HIRA: variants seen among roughly 807,000 people sequenced by gnomAD.
HIRA encodes protein HIRA.
In HIRA, 13 loss-of-function variants were observed where a neutral mutation model predicts 126.6. The ratio of observed to expected loss-of-function variants is 0.10; its 90% confidence interval spans 0.07 to 0.16. HIRA has a LOEUF of 0.16. Among genes scored for constraint, HIRA ranks in the 10% least tolerant of loss-of-function variants. The pLI is 1.00. For synonymous variants in HIRA, 511 were observed against 520.0 expected, an observed-to-expected ratio of 0.98 and a Z score of 0.24; for missense variants, 834 against 1,314.4, an observed-to-expected ratio of 0.63 and a Z score of 5.65.
Position 19,410,683 on chromosome 22 carries a change from T to A in HIRA, c.100+33A>T, listed in dbSNP as rs754666573. ...GAGAAGAGCAAGGTGGCAGGGCTGT[T>A]AAGCTTTCCCTTTCTTTATTCCATA... On this transcript the variant is annotated intron_variant, in intron 2 of 24. Coordinates refer to ENST00000263208, the MANE Select transcript of HIRA (RefSeq NM_003325.4). 1.4e-5 allele frequency: 22 copies of A among 1,562,504 alleles called. 1 individual carries two copies. Among genetic ancestry groups the A allele is most frequent in the Middle Eastern group, 3.4e-4 (2 of 5,962 alleles).
intron 1 of HIRA, among the ~76,000 whole-genome samples, chr22:19,422,430 T>C (rs900554019): frequency 1.3e-5 from 2 of 151,864 alleles, no homozygotes; most frequent in Admixed American, 1.3e-4. Flanking sequence ...CCACAACCAA[T>C]CTAGTCTCCA....
intron 19 of HIRA, 22 bp downstream of exon 19, chr22:19,356,868 C>G (rs782344915): frequency 6.2e-7 from 1 of 1,612,442 alleles, no homozygotes; most frequent in African/African-American, 1.3e-5. Context: ...GAAGCCCACC[C>G]CACCCTGTGC....
chr22:19,355,995 A>G (rs1340880932), intron 20 of HIRA, 130 bp from the exon 21 acceptor site: 3 of 741,336 alleles, frequency 4.0e-6, no homozygotes, highest in Non-Finnish European at 6.9e-6. Context: ...TGCCTTGGCA[A>G]ATAGGGAGGG....
At chr22:19,412,330 C>T (rs921899782) in intron 1 of HIRA, among the ~76,000 whole-genome samples, 1 of 152,196 alleles carries the variant, frequency 6.6e-6, no homozygotes, top group Non-Finnish European at 1.5e-5. Flanking sequence ...CGAGCCATCC[C>T]AGCAGATTCC....
chr22:19,398,998 A>G (rs2089245701), intron 5 of HIRA: 1 of 463,780 alleles, frequency 2.2e-6, no homozygotes, highest in Non-Finnish European at 2.8e-6. Context: ...CAATGAAACA[A>G]AAAACCCCAA....
rs1569309647 is a variant in HIRA at position 19,407,282 on chromosome 22, G to A, written c.212-8C>T. On this transcript the variant is annotated splice_region_variant and splice_polypyrimidine_tract_variant and intron_variant, in intron 3 of 24. Transcript: ENST00000263208. The stretch of plus-strand genomic sequence containing the variant: ...GCACACAGTTCACACATGCTGGGAA[G>A]AAAAAAAAATAAGGTGATGAAAATC... 8 of 1,586,242 alleles carry A rather than the reference G, an allele frequency of 5.0e-6. No individual in the cohort carries two copies. The highest frequency in any genetic ancestry group is 2.3e-5 in the South Asian group (2 of 88,458).
At chr22:19,423,165 C>T (rs1374076452) in intron 1 of HIRA, among the ~76,000 whole-genome samples, 1 of 152,176 alleles carries the variant, frequency 6.6e-6, no homozygotes, top group Non-Finnish European at 1.5e-5. Context: ...TCAAATGTTA[C>T]CTTTTCACTC....
At position 19,361,866 on chromosome 22, in the gene HIRA, C is replaced by G; in HGVS notation, c.1841G>C (p.Ser614Thr). The G allele has an allele frequency of 1.2e-6, 2 of 1,614,226 alleles. No individual in the cohort carries two copies. The highest frequency in any genetic ancestry group is 1.7e-6 in the Non-Finnish European group (2 of 1,180,042). ...PRDLLESSSDSDEKVPLAKAS... is the reference protein window; with the variant it reads ...PRDLLESSSDTDEKVPLAKAS... The stretch of plus-strand genomic sequence containing the variant: ...CTTAGCCAAAGGGACTTTCTCATCG[C>G]TGTCACTGCTGCTCTCCAGGAGGTC... Residue 614 changes from serine (S) to threonine (T), a missense_variant, in exon 16 of 25, where the codon AGC becomes ACC. By Grantham distance (58) the Ser-to-Thr change is moderately conservative. Coordinates refer to ENST00000263208, the MANE Select transcript of HIRA (RefSeq NM_003325.4).
chr22:19,426,415 CT>C (rs1050682897), intron 1 of HIRA, among the ~76,000 whole-genome samples: 2 of 152,198 alleles, frequency 1.3e-5, no homozygotes, highest in African/African-American at 4.8e-5. Context: ...CCCTCTGGGC[CT>C]TTTCTCCTGA....
At chr22:19,373,762 C>A (rs1241264528) in intron 15 of HIRA, among the ~76,000 whole-genome samples, 1 of 151,922 alleles carries the variant, frequency 6.6e-6, no homozygotes, top group African/African-American at 2.4e-5. Flanking sequence ...CCCAGGTCTG[C>A]CTCAGTCCTT....
At position 19,405,893 on chromosome 22, in the gene HIRA, G is replaced by T; in HGVS notation, c.303-13C>A. On this transcript the variant is annotated splice_polypyrimidine_tract_variant and intron_variant, in intron 4 of 24. Transcript: ENST00000263208. ...GGGGCCGATGTACCTGTGTGAGAAA[G>T]GGGCCAAAAAGGCACTCATGGAGTG... The T allele has an allele frequency of 1.4e-6, 2 of 1,450,612 alleles. No homozygotes were observed. Among genetic ancestry groups the T allele is most frequent in the South Asian group, 1.5e-5 (1 of 66,662 alleles). 89.9% of individuals were successfully genotyped at this position (1,450,612 alleles called of 1,614,324 possible). A position where few individuals can be genotyped will look rare whatever the true frequency, so the allele number is the denominator to read the frequency against.
chr22:19,389,114 T>A (rs1368481232), intron 9 of HIRA, among the ~76,000 whole-genome samples: 1 of 152,374 alleles, frequency 6.6e-6, no homozygotes, highest in African/African-American at 2.4e-5. Context: ...GATGAATTAT[T>A]ATCTTCTATT....
chr22:19,410,203 G>A (rs1601852793), intron 2 of HIRA, among the ~76,000 whole-genome samples: 1 of 152,184 alleles, frequency 6.6e-6, no homozygotes, highest in South Asian at 2.1e-4. Flanking sequence ...GAAGCATAAG[G>A]GCAATACTAC....
intron 24 of HIRA, among the ~76,000 whole-genome samples, chr22:19,340,929 A>G (rs1556007370): frequency 6.6e-6 from 1 of 152,234 alleles, no homozygotes; most frequent in Non-Finnish European, 1.5e-5. Flanking sequence ...AAAAATGACC[A>G]TACTGCTAAG....
At chr22:19,423,490 C>CAA in intron 1 of HIRA, among the ~76,000 whole-genome samples, 1 of 104,508 alleles carries the variant, frequency 9.6e-6, no homozygotes, top group South Asian at 3.6e-4. Context: ...CATACACACA[C>CAA]ACACACACAC....
rs34765416 is a variant in HIRA at position 19,367,368 on chromosome 22, AT to A, written c.1776-5438del. 4.2e-3 allele frequency among the ~76,000 whole-genome samples: 583 copies of A among 138,756 alleles called. 1 individual carries two copies. Among genetic ancestry groups the A allele is most frequent in the Middle Eastern group, 0.026 (7 of 268 alleles). 91.0% of individuals were successfully genotyped at this position (138,756 alleles called of 152,430 possible). A position where few individuals can be genotyped will look rare whatever the true frequency, so the allele number is the denominator to read the frequency against. ...ATGTAGGCACAGCTTCCAATGTACC[AT>A]TTTTTTTTTTTTTTTGAGACGGAGT... On this transcript the variant is annotated intron_variant, in intron 15 of 24. Coordinates refer to ENST00000263208, the MANE Select transcript of HIRA (RefSeq NM_003325.4).
Position 19,351,236 on chromosome 22 carries a change from G to A in HIRA, c.2937+122C>T. Reference sequence around the variant, plus strand: ...CACCCTCTCACTGATGCTGGGACCTGAGGCTGGGTGCTGGAGAAGTCTAAC... The same window carrying A: ...CACCCTCTCACTGATGCTGGGACCTAAGGCTGGGTGCTGGAGAAGTCTAAC... On this transcript the variant is annotated intron_variant, in intron 24 of 24. Coordinates refer to ENST00000263208, the MANE Select transcript of HIRA (RefSeq NM_003325.4). The surrounding 1 kb of genome is among the most constrained non-coding windows in gnomAD (Gnocchi z 4.8). 7.0e-7 allele frequency: 1 copy of A among 1,424,052 alleles called. No individual in the cohort carries two copies. Among genetic ancestry groups the A allele is most frequent in the South Asian group, 1.5e-5 (1 of 65,652 alleles). 88.2% of individuals were successfully genotyped at this position (1,424,052 alleles called of 1,614,324 possible).
intron 21 of HIRA, 72 bp downstream of exon 21, chr22:19,355,688 G>T: frequency 1.8e-6 from 2 of 1,140,540 alleles, no homozygotes; most frequent in South Asian, 1.3e-5. Context: ...TGTAGGCCAC[G>T]ACCCTTTGCT....
intron 3 of HIRA, among the ~76,000 whole-genome samples, chr22:19,407,621 A>C (rs2089318717): frequency 6.6e-6 from 1 of 152,262 alleles, no homozygotes; most frequent in Admixed American, 6.5e-5. Flanking sequence ...CACATTTCTG[A>C]GTAGAGATTA....
Sources: allele counts gnomAD v4.1 joint callset (sites outside exome capture counted in the v4.1 genomes callset), GRCh38; gene constraint gnomAD v4.1.1; non-coding constraint Gnocchi (gnomAD v3.1); transcripts MANE v1.5; gene names NCBI Gene and HGNC (gene_info 2026-07-23, HGNC 2026-07-21).